Variants in GGT1 observed in about 807,000 individuals in gnomAD.
The protein encoded by GGT1 is glutathione hydrolase 1 proenzyme.
GGT1 carries 21 observed loss-of-function variants against 56.0 expected under a neutral mutation model. That is an observed-to-expected ratio of 0.38 (90% confidence interval 0.27 to 0.54). The LOEUF (loss-of-function observed/expected upper bound fraction) is 0.54, where lower values mean the gene tolerates loss of function less well. Among genes scored for constraint, GGT1 ranks in the 20% least tolerant of loss-of-function variants. The pLI, the probability that GGT1 is intolerant of heterozygous loss-of-function variation, is 0.82. For missense variants in GGT1, 466 were observed against 787.0 expected, an observed-to-expected ratio of 0.59 and a Z score of 4.88; for synonymous variants, 238 against 342.6, an observed-to-expected ratio of 0.69 and a Z score of 3.37.
chr22:24,628,249 A>G lies in GGT1; in HGVS notation c.1450-26A>G. On this transcript the variant is annotated intron_variant, in intron 14 of 15. Transcript: ENST00000400382. This position sits in a 1 kb window ranked among gnomAD's most constrained non-coding sequence, Gnocchi z 5.7. ...GCCCACCCTGCACAGCCCCCAAGCC[A>G]TGCTGATCACACTCCCATGCCCCAG... 4 of 1,611,948 alleles carry G rather than the reference A, an allele frequency of 2.5e-6. No individual in the cohort carries two copies. The highest frequency in any genetic ancestry group is 2.5e-6 in the Non-Finnish European group (3 of 1,179,830).
rs529732890 is a variant in GGT1 at position 24,604,479 on chromosome 22, T to G, written c.-429+952T>G. 3.3e-5 allele frequency among the ~76,000 whole-genome samples: 5 copies of G among 152,174 alleles called. No homozygotes were observed. In the South Asian group the frequency reaches 1.0e-3, roughly 32 times the overall value. The stretch of plus-strand genomic sequence containing the variant: ...CTGCTCTGCTCAGCCTAAATGAGGC[T>G]CAGTTGTGTGTGTGCGCACGTGCTT... On this transcript the variant is annotated intron_variant, in intron 1 of 15. Coordinates refer to ENST00000400382, the MANE Select transcript of GGT1 (RefSeq NM_001288833.2).
chr22:24,604,494 C>T (rs5760495), intron 1 of GGT1, among the ~76,000 whole-genome samples: 75,618 of 151,668 alleles, frequency 0.5, 21,703 homozygotes, highest in African/African-American at 0.8. Flanking sequence ...TGTGTGTGTG[C>T]GCACGTGCTT....
rs1214278477 is a variant in GGT1 at position 24,605,578 on chromosome 22, TTA to T, written c.-429+2060_-429+2061del. ...ATTATATAATATTATATAATGTGTA[TTA>T]TATATATAATATTATATAATGTGTA... On this transcript the variant is annotated intron_variant, in intron 1 of 15. Transcript: ENST00000400382. Among the ~76,000 whole-genome samples the T allele has an allele frequency of 9.6e-5, 5 of 52,324 alleles. 1 individual carries two copies. Among genetic ancestry groups the T allele is most frequent in the East Asian group, 5.3e-4 (1 of 1,904 alleles). 34.3% of individuals were successfully genotyped at this position (52,324 alleles called of 152,430 possible). A position where few individuals can be genotyped will look rare whatever the true frequency, so the allele number is the denominator to read the frequency against.
intron 11 of GGT1, 113 bp downstream of exon 11, chr22:24,624,029 C>T: frequency 6.5e-7 from 1 of 1,541,790 alleles, no homozygotes. Context: ...ATTCCTGCCA[C>T]AGACTTCGAT....
chr22:24,626,554 A>G lies in GGT1; in HGVS notation c.1021-878A>G, dbSNP rs191817553. On this transcript the variant is annotated intron_variant, in intron 11 of 15. Coordinates refer to ENST00000400382, the MANE Select transcript of GGT1 (RefSeq NM_001288833.2). ...CTCTTCAGGTCTGATGAAGTATCCA[A>G]AATCAAGCTCCTGACCATCCCCAAA... 9.3e-3 allele frequency among the ~76,000 whole-genome samples: 1,412 copies of G among 151,380 alleles called. 9 individuals carry two copies. The highest frequency in any genetic ancestry group is 0.015 in the South Asian group (70 of 4,804).
intron 9 of GGT1, among the ~76,000 whole-genome samples, chr22:24,622,439 C>T (rs1169349758): frequency 1.3e-5 from 2 of 152,086 alleles, no homozygotes; most frequent in African/African-American, 4.8e-5. Flanking sequence ...TGGCGGGCGC[C>T]TGCAGTCCCA....
At chr22:24,600,304 T>C (rs762036704), upstream of GGT1, among the ~76,000 whole-genome samples, 2 of 152,210 alleles carry the variant, frequency 1.3e-5, no homozygotes, top group Non-Finnish European at 2.9e-5. Flanking sequence ...ATCCCTGCTC[T>C]CTAGGTAGGA....
intron 1 of GGT1, among the ~76,000 whole-genome samples, chr22:24,605,208 ATAT>A (rs2046020216): frequency 3.7e-5 from 1 of 27,272 alleles, no homozygotes; most frequent in Non-Finnish European, 6.0e-5. Context: ...AATATGTATT[ATAT>A]TATATATTAT....
intron 5 of GGT1, among the ~76,000 whole-genome samples, chr22:24,612,013 G>T (rs1244593954): frequency 3.9e-5 from 6 of 152,004 alleles, no homozygotes; most frequent in African/African-American, 1.5e-4. Context: ...TGCTATGTTG[G>T]CCAGGCTGGT....
chr22:24,611,520 TATCTATCTATCTATCTATCTATC>T (rs1276205634), intron 5 of GGT1, among the ~76,000 whole-genome samples: 6 of 120,806 alleles, frequency 5.0e-5, no homozygotes, highest in East Asian at 2.1e-4. Context: ...TCTTCCTATC[TATCTATCTATCTATCTATCTATC>T]ATCTATCTAT....
At chr22:24,591,884 A>G (rs2045577919), upstream of GGT1, among the ~76,000 whole-genome samples, 1 of 152,198 alleles carries the variant, frequency 6.6e-6, no homozygotes, top group African/African-American at 2.4e-5. Context: ...TCTTAAACGG[A>G]CAGCTCCATT....
chr22:24,591,400 A>G (rs927655895), upstream of GGT1, among the ~76,000 whole-genome samples: 4 of 152,192 alleles, frequency 2.6e-5, no homozygotes, highest in Non-Finnish European at 5.9e-5. Context: ...TTTAGAGGAC[A>G]TTTTGAGAGC....
At chr22:24,614,992 G>C (rs1246714548) in intron 6 of GGT1, 49 bp from the exon 7 acceptor site, 27 of 1,176,050 alleles carry the variant, frequency 2.3e-5, no homozygotes, top group Non-Finnish European at 2.8e-5. Context: ...GGCTCACGTG[G>C]CATAAAGGGT....
rs147321651 is a variant in GGT1 at position 24,615,153 on chromosome 22, G to A, written c.382+26G>A. On this transcript the variant is annotated intron_variant, in intron 7 of 15. Coordinates refer to ENST00000400382, the MANE Select transcript of GGT1 (RefSeq NM_001288833.2). The stretch of plus-strand genomic sequence containing the variant: ...GTAAGCCATGCGGCAGACTTGGGGC[G>A]TGGGTGCAGAGCTGGCTGAGCCACC... 2,113 of 1,557,346 alleles carry A rather than the reference G, an allele frequency of 1.4e-3. 1 individual carries two copies. Among genetic ancestry groups the A allele is most frequent in the Non-Finnish European group, 1.5e-3 (1,718 of 1,131,036 alleles).
chr22:24,586,929 GCA>G, the GGT1 span, among the ~76,000 whole-genome samples: 1 of 152,234 alleles, frequency 6.6e-6, no homozygotes, highest in South Asian at 2.1e-4. Context: ...AGGATTAAAT[GCA>G]CACACAGTAA....
In GGT1 at chr22:24,614,816, A is replaced by G. The variant is rs765608014; in HGVS notation, c.205A>G (p.Ile69Val). 8 of 1,613,246 alleles carry G rather than the reference A, an allele frequency of 5.0e-6. No homozygotes were observed. In the Admixed American group the frequency reaches 6.7e-5, roughly 13 times the overall value. The change falls in exon 6 of 16, where the codon ATT becomes GTT. Residue 69 changes from isoleucine to valine, a missense_variant. Physicochemically the swap from Ile to Val is conservative, Grantham distance 29. Around this residue, in one of 2 missense-constraint regions of GGT1, gnomAD observed 456 missense variants for 716.7 expected, o/e 0.64. Transcript: ENST00000400382. ...RDGGSAVDAA[I>V]AALLCVGLMN... ...CGGTGGCTCTGCGGTGGATGCAGCC[A>G]TTGCAGCCCTGTTGTGTGTGGGGCT...
At chr22:24,624,480 C>A (rs540313114) in intron 11 of GGT1, 33 of 970,404 alleles carry the variant, frequency 3.4e-5, no homozygotes, top group African/African-American at 5.4e-5. Context: ...CAGACCCCCC[C>A]ACACTGACCA....
At chr22:24,597,805 A>G (rs1173491824) in intron 1 of GGT1, among the ~76,000 whole-genome samples, 1 of 152,222 alleles carries the variant, frequency 6.6e-6, no homozygotes, top group East Asian at 1.9e-4. Flanking sequence ...CCCAGCAAGA[A>G]TCAATTCTGC....
upstream of GGT1, among the ~76,000 whole-genome samples, chr22:24,598,911 T>A (rs576213199): frequency 6.6e-6 from 1 of 152,056 alleles, no homozygotes; most frequent in East Asian, 1.9e-4. Context: ...CCAAACCCTG[T>A]CCTCTTGGGC....
Sources: gnomAD v4.1 joint callset for allele counts (sites outside exome capture counted in the v4.1 genomes callset) on GRCh38, gnomAD v4.1.1 for gene constraint, gnomAD v4.1.1 regional missense constraint, Gnocchi (gnomAD v3.1) non-coding constraint, MANE v1.5 for transcripts, NCBI Gene and HGNC (gene_info 2026-07-23, HGNC 2026-07-21) for gene names.